Variants in PPM1H observed in about 807,000 individuals in gnomAD.
The protein encoded by PPM1H is protein phosphatase 1H.
In PPM1H, 27 loss-of-function variants were observed where a neutral mutation model predicts 54.9. That is an observed-to-expected ratio of 0.49 (90% confidence interval 0.36 to 0.68). The LOEUF (loss-of-function observed/expected upper bound fraction) is 0.68, where lower values mean the gene tolerates loss of function less well. Among genes scored for constraint, PPM1H ranks in the 30% least tolerant of loss-of-function variants. PPM1H has a pLI of 0.00. For synonymous variants in PPM1H, 305 were observed against 270.8 expected (o/e 1.13, Z -1.24); for missense variants, 596 against 667.8 (o/e 0.89, Z 1.19).
At position 62,667,187 on chromosome 12, in the gene PPM1H, T is replaced by A; in HGVS notation, c.1388A>T (p.Asp463Val). The A allele has an allele frequency of 6.3e-7, 1 of 1,594,240 alleles. No individual in the cohort carries two copies. The highest frequency in any genetic ancestry group is 8.6e-7 in the Non-Finnish European group (1 of 1,162,940). ...GTAGAAATGCACAAACCTGTGAGGA[T>A]CATCTGGATCACAGTTAGGAAGAAA... ...TQFLPNCDPD[D>V]PHRYTLAAQD... is the part of the protein sequence containing the mutation. The change falls in exon 9 of 10, where the codon GAT (aspartate) becomes GTT (valine). Residue 463 changes from aspartate to valine, a missense_variant. This residue lies in a region of PPM1H where 208 missense variants were observed against 259.5 expected (regional missense o/e 0.80). Transcript: ENST00000228705.
chr12:62,826,801 C>T (rs573789844), intron 2 of PPM1H, among the ~76,000 whole-genome samples: 110 of 152,226 alleles, frequency 7.2e-4, no homozygotes, highest in Non-Finnish European at 1.1e-3. Context: ...TTCGGTTTGC[C>T]ATCCTTCATG....
intron 2 of PPM1H, among the ~76,000 whole-genome samples, chr12:62,825,940 C>G (rs1868286499): frequency 2.0e-5 from 3 of 151,402 alleles, no homozygotes. Context: ...AAAAAGAGCT[C>G]AAACACAGGA....
At chr12:62,712,343 A>C (rs1277617853) in intron 6 of PPM1H, among the ~76,000 whole-genome samples, 2 of 152,252 alleles carry the variant, frequency 1.3e-5, no homozygotes, top group African/African-American at 4.8e-5. Context: ...GCCCGTAATC[A>C]TTAAATTATG....
intron 1 of PPM1H, among the ~76,000 whole-genome samples, chr12:62,853,511 G>T (rs1187499458): frequency 6.6e-6 from 1 of 152,078 alleles, no homozygotes. Context: ...AATGGGAGGA[G>T]TTTCAATGCA....
intron 1 of PPM1H, among the ~76,000 whole-genome samples, chr12:62,909,000 C>T (rs1871380722): frequency 6.6e-6 from 1 of 152,008 alleles, no homozygotes; most frequent in Non-Finnish European, 1.5e-5. Context: ...TACACCAGTT[C>T]CCACCAGTCC....
chr12:62,719,601 G>A (rs2076253162), intron 6 of PPM1H, among the ~76,000 whole-genome samples: 1 of 152,178 alleles, frequency 6.6e-6, no homozygotes, highest in African/African-American at 2.4e-5. Flanking sequence ...TGTGTTTTCG[G>A]AATACGACAA....
chr12:62,677,471 G>C (rs1465399202), intron 8 of PPM1H, among the ~76,000 whole-genome samples: 1 of 152,192 alleles, frequency 6.6e-6, no homozygotes, highest in Non-Finnish European at 1.5e-5. Flanking sequence ...ACAGTTCCTG[G>C]TACCTCCAAG....
chr12:62,686,335 A>G (rs1354258761), intron 8 of PPM1H, among the ~76,000 whole-genome samples: 2 of 152,210 alleles, frequency 1.3e-5, no homozygotes, highest in Non-Finnish European at 1.5e-5. Flanking sequence ...TGAGAAAGGG[A>G]GGTGGAGAAG....
At chr12:62,775,071 T>A (rs541980707) in intron 4 of PPM1H, among the ~76,000 whole-genome samples, 1 of 152,376 alleles carries the variant, frequency 6.6e-6, no homozygotes, top group South Asian at 2.1e-4. Flanking sequence ...TTCATTACTG[T>A]TATTTTTTAA....
chr12:62,758,630 C>A (rs1469186376), intron 4 of PPM1H, among the ~76,000 whole-genome samples: 1 of 152,032 alleles, frequency 6.6e-6, no homozygotes, highest in African/African-American at 2.4e-5. Flanking sequence ...TCTCACTCTC[C>A]ACACTGGCTA....
chr12:62,934,531 T>A lies in PPM1H; in HGVS notation c.206A>T (p.Lys69Met), dbSNP rs1872258062. 1.9e-6 allele frequency: 3 copies of A among 1,551,822 alleles called. 1 individual carries two copies. In the South Asian group the frequency reaches 3.6e-5, roughly 18 times the overall value. The change falls in exon 1 of 10, where the codon AAG (lysine) becomes ATG (methionine). Residue 69 changes from lysine (K) to methionine (M), a missense_variant. Physicochemically the swap from Lys to Met is moderately conservative, Grantham distance 95 (BLOSUM62 -1). Transcript: ENST00000228705. This position sits in a 1 kb window ranked among gnomAD's most constrained non-coding sequence, Gnocchi z 4.2. The stretch of plus-strand genomic sequence containing the variant: ...GGCCCAGGGCAGCCGCCGAGTCTCC[T>A]TGAGGATGAGGATGGGGCGGGCGAT... ...DHIARPILIL[K>M]ETRRLPWATG...
chr12:62,727,825 T>A (rs959386498), intron 5 of PPM1H, among the ~76,000 whole-genome samples: 2 of 151,756 alleles, frequency 1.3e-5, no homozygotes, highest in African/African-American at 4.8e-5. Flanking sequence ...CATGCCCGGC[T>A]AATTTTGGTA....
intron 1 of PPM1H, among the ~76,000 whole-genome samples, chr12:62,849,054 G>C (rs924513527): frequency 6.6e-6 from 1 of 152,128 alleles, no homozygotes; most frequent in African/African-American, 2.4e-5. Context: ...GTTAGGAAAT[G>C]GTTGGGAATA....
At chr12:62,751,981 T>C (rs2076444819) in intron 4 of PPM1H, among the ~76,000 whole-genome samples, 1 of 152,208 alleles carries the variant, frequency 6.6e-6, no homozygotes, top group South Asian at 2.1e-4. Context: ...CCGGTGTCAG[T>C]TCCTTACAAG....
intron 1 of PPM1H, among the ~76,000 whole-genome samples, chr12:62,925,638 T>A (rs1871950056): frequency 6.6e-6 from 1 of 152,154 alleles, no homozygotes; most frequent in Admixed American, 6.6e-5. Context: ...GCTAGCCAGG[T>A]TTATACCCCT....
At chr12:62,740,316 T>C (rs536856337) in intron 4 of PPM1H, among the ~76,000 whole-genome samples, 54 of 152,326 alleles carry the variant, frequency 3.5e-4, no homozygotes, top group African/African-American at 1.3e-3. Flanking sequence ...CCCTTGGGCA[T>C]GCCATCATTC....
intron 5 of PPM1H, 92 bp from the exon 6 acceptor site, chr12:62,720,381 C>A: frequency 1.1e-6 from 1 of 941,546 alleles, no homozygotes; most frequent in Non-Finnish European, 1.6e-6. Flanking sequence ...TTGAGACAGG[C>A]CATATTTTAA....
At chr12:62,919,310 T>C (rs925506703) in intron 1 of PPM1H, among the ~76,000 whole-genome samples, 2 of 152,118 alleles carry the variant, frequency 1.3e-5, no homozygotes, top group African/African-American at 4.8e-5. Flanking sequence ...TATAGTTTGT[T>C]GGTAACTCAG....
chr12:62,710,286 C>G (rs533224978), intron 6 of PPM1H, among the ~76,000 whole-genome samples: 1 of 152,208 alleles, frequency 6.6e-6, no homozygotes, highest in South Asian at 2.1e-4. Context: ...AATCCCAGCA[C>G]TTTGGGAGGC....
Sources: allele counts gnomAD v4.1 joint callset (sites outside exome capture counted in the v4.1 genomes callset), GRCh38; gene constraint gnomAD v4.1.1; regional missense constraint gnomAD v4.1.1; non-coding constraint Gnocchi (gnomAD v3.1); transcripts MANE v1.5; gene names NCBI Gene and HGNC (gene_info 2026-07-23, HGNC 2026-07-21).